Variants in ULK4 observed in about 807,000 individuals in gnomAD.
The protein encoded by ULK4 is inactive serine/threonine-protein kinase ULK4.
A neutral mutation model predicts 160.6 loss-of-function variants in ULK4; 133 were observed. That is an observed-to-expected ratio of 0.83 (90% CI 0.72 to 0.96). The LOEUF is 0.96. Ranked by LOEUF, ULK4 falls within the 40% of genes least tolerant of loss-of-function variation. The probability of loss-of-function intolerance (pLI) is 0.00; values close to 1 mark genes in which losing one functional copy is unlikely to be tolerated. For missense variants in ULK4, 1,580 were observed against 1,499.5 expected (o/e 1.05, Z -0.89); for synonymous variants, 534 against 539.8 (o/e 0.99, Z 0.15).
chr3:41,762,154 A>G (rs1398821119), intron 21 of ULK4, among the ~76,000 whole-genome samples: 5 of 152,108 alleles, frequency 3.3e-5, no homozygotes, highest in Admixed American at 1.3e-4. Context: ...CTACCTGCAA[A>G]TTTTTTAACT....
chr3:41,280,905 C>T (rs1283987540), intron 35 of ULK4, among the ~76,000 whole-genome samples: 1 of 151,902 alleles, frequency 6.6e-6, no homozygotes, highest in Non-Finnish European at 1.5e-5. Context: ...AAATAGACTG[C>T]TCGCAAGACT....
intron 12 of ULK4, among the ~76,000 whole-genome samples, chr3:41,903,393 T>A (rs537582303): frequency 1.3e-5 from 2 of 152,282 alleles, no homozygotes; most frequent in Non-Finnish European, 2.9e-5. Flanking sequence ...GAGACCAGTC[T>A]GGCCAAAATG....
rs562839603 is a variant in ULK4, at chr3:41,433,978, T to C, written c.3492+21519A>G. Among the ~76,000 whole-genome samples, 17 of 152,270 alleles carry C rather than the reference T, an allele frequency of 1.1e-4. No individual in the cohort carries two copies. The East Asian group carries it at 3.1e-3, about 28-fold the overall frequency. ...ACCTCGTGATCCGCCCGCCTTGGCC[T>C]CCCAAAGTGCTGGGATTACAGGCGT... On this transcript the variant is annotated intron_variant, in intron 34 of 36. Transcript: ENST00000301831.
At chr3:41,328,799 G>A (rs1351778511) in intron 35 of ULK4, among the ~76,000 whole-genome samples, 3 of 152,186 alleles carry the variant, frequency 2.0e-5, no homozygotes, top group African/African-American at 7.2e-5. Flanking sequence ...AAGCCCCACG[G>A]AGTGGGGTGG....
intron 32 of ULK4, among the ~76,000 whole-genome samples, chr3:41,515,083 C>T (rs1176513742): frequency 2.0e-5 from 3 of 151,706 alleles, no homozygotes; most frequent in Non-Finnish European, 4.4e-5. Context: ...CTGATGAAAC[C>T]CTGTCCCTAC....
chr3:41,937,223 T>C (rs932747609), intron 3 of ULK4: 17 of 567,894 alleles, frequency 3.0e-5, no homozygotes, highest in Non-Finnish European at 4.4e-5. Context: ...ACAGTTAGGA[T>C]ATTACATCTG....
At chr3:41,391,454 A>G (rs1345906674) in intron 35 of ULK4, among the ~76,000 whole-genome samples, 4 of 152,012 alleles carry the variant, frequency 2.6e-5, no homozygotes, top group African/African-American at 4.8e-5. Context: ...CTTAACCCCA[A>G]GAAAAATAAG....
intron 2 of ULK4, among the ~76,000 whole-genome samples, chr3:41,947,323 A>G (rs576800251): frequency 6.6e-6 from 1 of 152,328 alleles, no homozygotes; most frequent in Non-Finnish European, 1.5e-5. Context: ...TGACACCTGA[A>G]AGTGTGGTTA....
At chr3:41,634,470 CT>C (rs1246011966) in intron 30 of ULK4, among the ~76,000 whole-genome samples, 1 of 152,158 alleles carries the variant, frequency 6.6e-6, no homozygotes, top group Non-Finnish European at 1.5e-5. Context: ...CCCTCCATCC[CT>C]GGGTCACATG....
chr3:41,658,116 A>T (rs980331880), intron 30 of ULK4, among the ~76,000 whole-genome samples: 23 of 152,346 alleles, frequency 1.5e-4, no homozygotes, highest in Admixed American at 1.2e-3. Context: ...AATGGCAAAG[A>T]TCACATATAC....
chr3:41,534,105 C>T (rs2086410727), intron 32 of ULK4, among the ~76,000 whole-genome samples: 1 of 152,044 alleles, frequency 6.6e-6, no homozygotes, highest in Non-Finnish European at 1.5e-5. Flanking sequence ...CTTGCTCGGC[C>T]GAAAGTACAC....
chr3:41,923,086 T>A (rs1699251720), intron 5 of ULK4, among the ~76,000 whole-genome samples: 1 of 151,912 alleles, frequency 6.6e-6, no homozygotes, highest in African/African-American at 2.4e-5. Flanking sequence ...GAGAATTGTT[T>A]GAACCTGGGA....
intron 12 of ULK4, among the ~76,000 whole-genome samples, chr3:41,903,977 G>T (rs1483697783): frequency 7.5e-6 from 1 of 132,982 alleles, no homozygotes. Flanking sequence ...ACTCCAGCCT[G>T]GGCAAAAGGC....
chr3:41,693,381 T>G (rs973431999), intron 27 of ULK4, among the ~76,000 whole-genome samples: 5 of 152,192 alleles, frequency 3.3e-5, no homozygotes, highest in African/African-American at 1.2e-4. Flanking sequence ...AATAGGAAAC[T>G]AAATATGAAC....
chr3:41,808,114 G>A (rs986862373), intron 19 of ULK4, among the ~76,000 whole-genome samples: 12 of 151,986 alleles, frequency 7.9e-5, no homozygotes, highest in South Asian at 2.1e-4. Flanking sequence ...TCAATATGAC[G>A]AAACCTATTT....
At chr3:41,919,640 T>G (rs1234995506) in intron 6 of ULK4, 77 bp downstream of exon 6, 2 of 1,229,474 alleles carry the variant, frequency 1.6e-6, no homozygotes. Flanking sequence ...ATCTTATAGG[T>G]AAAACATCTG....
chr3:41,889,955 ACAG>A (rs1697858555), intron 16 of ULK4, among the ~76,000 whole-genome samples: 2 of 152,224 alleles, frequency 1.3e-5, no homozygotes, highest in Admixed American at 6.5e-5. Flanking sequence ...ATTCCACAAT[ACAG>A]ATGAACCTTG....
intron 27 of ULK4, among the ~76,000 whole-genome samples, chr3:41,689,211 T>C (rs961504660): frequency 5.3e-5 from 8 of 152,200 alleles, no homozygotes; most frequent in Admixed American, 2.0e-4. Flanking sequence ...TTCTTTGCCA[T>C]AGCAACTCTG....
At chr3:41,491,447 A>C (rs1393831866) in intron 32 of ULK4, among the ~76,000 whole-genome samples, 1 of 152,184 alleles carries the variant, frequency 6.6e-6, no homozygotes, top group African/African-American at 2.4e-5. Context: ...GCACTGGAAC[A>C]TAAGTAGAAA....
Sources: gnomAD v4.1 joint callset for allele counts (sites outside exome capture counted in the v4.1 genomes callset) on GRCh38, gnomAD v4.1.1 for gene constraint, MANE v1.5 for transcripts, NCBI Gene and HGNC (gene_info 2026-07-23, HGNC 2026-07-21) for gene names.